DYNLL1: variants seen among roughly 807,000 people sequenced by gnomAD.
DYNLL1 encodes dynein light chain LC8-type 1, also known as dynein light chain 1, cytoplasmic.
In DYNLL1, 3 loss-of-function variants were observed where a neutral mutation model predicts 10.1. The ratio of observed to expected loss-of-function variants is 0.30; its 90% CI spans 0.14 to 0.77. The LOEUF is 0.77. Among genes scored for constraint, DYNLL1 ranks in the 30% least tolerant of loss-of-function variants. The probability of loss-of-function intolerance (pLI) is 0.66; values close to 1 mark genes in which losing one functional copy is unlikely to be tolerated. For synonymous variants in DYNLL1, 46 were observed against 41.2 expected, an observed-to-expected ratio of 1.12 and a Z score of -0.45; for missense variants, 47 against 111.7, an observed-to-expected ratio of 0.42 and a Z score of 2.61.
rs1309522112 is a variant in DYNLL1 at position 120,498,049 on chromosome 12, GTTCTT to G, written c.133-16_133-12del. On this transcript the variant is annotated intron_variant, in intron 2 of 2. Coordinates refer to ENST00000242577, the MANE Select transcript of DYNLL1 (RefSeq NM_003746.3). ...CTGACCTCTGGTAATTAAAATCCTA[GTTCTT>G]TTCTTTTGTCTTTTCCAGGAATTTG... 7 of 1,610,206 alleles carry G rather than the reference GTTCTT, an allele frequency of 4.3e-6. No individual in the cohort carries two copies. Among genetic ancestry groups the G allele is most frequent in the Admixed American group, 3.4e-5 (2 of 59,594 alleles).
intron 2 of DYNLL1, 136 bp from the exon 3 acceptor site, chr12:120,497,937 G>T: frequency 1.2e-6 from 1 of 855,862 alleles, no homozygotes; most frequent in East Asian, 2.7e-5. Context: ...TTGGAGCTGG[G>T]GAACATTCTT....
chr12:120,496,193 A>C lies in DYNLL1; in HGVS notation c.-30A>C. 1 of 637,194 alleles carries C rather than the reference A, an allele frequency of 1.6e-6. No homozygotes were observed. Among genetic ancestry groups the C allele is most frequent in the East Asian group, 2.8e-5 (1 of 36,048 alleles). The allele number at this position is 637,194 out of a possible 1,614,324, so 39.5% of individuals were successfully genotyped here. ...AGCACCTCCCCCAGGAGACCGTTGCAGTCGGCCAGCCCCCTTCTCCACGGT... is the reference window on the plus strand; with the variant it reads ...AGCACCTCCCCCAGGAGACCGTTGCCGTCGGCCAGCCCCCTTCTCCACGGT... On this transcript the variant is annotated 5_prime_UTR_variant, in exon 1 of 3. Coordinates refer to ENST00000242577, the MANE Select transcript of DYNLL1 (RefSeq NM_003746.3).
chr12:120,498,274 A>G lies in DYNLL1; in HGVS notation c.*64A>G. 3 of 1,551,972 alleles carry G rather than the reference A, an allele frequency of 1.9e-6. No homozygotes were observed. The highest frequency in any genetic ancestry group is 2.6e-6 in the Non-Finnish European group (3 of 1,157,370). On this transcript the variant is annotated 3_prime_UTR_variant, in exon 3 of 3. Transcript: ENST00000242577. ...AAACAAGGACTGCAGCCTAAATTCC[A>G]AATACCAGAGACTGAAATTTTCAGC...
intron 2 of DYNLL1, chr12:120,497,657 G>A (rs1868496489): frequency 6.3e-6 from 1 of 159,310 alleles, no homozygotes; most frequent in Non-Finnish European, 1.4e-5. Flanking sequence ...ATGAGGAATG[G>A]GATGGGCTAA....
rs1214824848 is a variant in DYNLL1 at position 120,486,244 on chromosome 12, A to G, written c.-6-10172A>G. On this transcript the variant is annotated intron_variant, in intron 1 of 2. Coordinates refer to the DYNLL1 transcript ENST00000392509. ...GAAAAGAGTTGCAGAGGCCCTGGCC[A>G]AAACCACCTGGCACCCTGCTAATGA... Among the ~76,000 whole-genome samples, 3 of 152,296 alleles carry G rather than the reference A, an allele frequency of 2.0e-5. No individual in the cohort carries two copies. The East Asian group carries it at 5.8e-4, about 29-fold the overall frequency.
chr12:120,472,238 G>A (rs1878667071), intron 1 of DYNLL1, among the ~76,000 whole-genome samples: 1 of 152,054 alleles, frequency 6.6e-6, no homozygotes, highest in Non-Finnish European at 1.5e-5. Context: ...CTTGATGGCA[G>A]TGATTTCTAT....
At chr12:120,471,080 C>T (rs547276565) in intron 1 of DYNLL1, among the ~76,000 whole-genome samples, 3 of 150,336 alleles carry the variant, frequency 2.0e-5, no homozygotes, top group Non-Finnish European at 4.4e-5. Flanking sequence ...AAAATGAAAC[C>T]TGGCTGGGCG....
upstream of DYNLL1, among the ~76,000 whole-genome samples, chr12:120,495,072 A>T (rs536394673): frequency 2.4e-4 from 37 of 152,320 alleles, no homozygotes; most frequent in Non-Finnish European, 4.7e-4. Flanking sequence ...CTTTACTTAA[A>T]GAAGACATTC....
intron 1 of DYNLL1, among the ~76,000 whole-genome samples, chr12:120,478,314 T>C (rs1283481890): frequency 3.4e-5 from 5 of 146,692 alleles, no homozygotes; most frequent in Non-Finnish European, 7.5e-5. Flanking sequence ...TCCATGTTGG[T>C]CAGGCTGGTC....
At chr12:120,487,070 G>GTTCACACCATTGTCCTGC (rs529210044) in intron 1 of DYNLL1, among the ~76,000 whole-genome samples, 1,690 of 150,840 alleles carry the variant, frequency 0.011, 15 homozygotes, top group Non-Finnish European at 0.016. Flanking sequence ...TGCCTCCCAG[G>GTTCACACCATTGTCCTGC]TTCACACCAT....
intron 1 of DYNLL1, among the ~76,000 whole-genome samples, chr12:120,478,606 C>T (rs959167700): frequency 6.7e-6 from 1 of 149,952 alleles, no homozygotes; most frequent in East Asian, 2.1e-4. Context: ...AATCCTAGCA[C>T]TTAGGGAGGC....
chr12:120,481,567 G>T (rs879608850), intron 1 of DYNLL1, among the ~76,000 whole-genome samples: 1 of 152,204 alleles, frequency 6.6e-6, no homozygotes, highest in Admixed American at 6.5e-5. Flanking sequence ...AAATGGAAGC[G>T]ATGCATAGGG....
At chr12:120,485,947 T>G (rs1400457822) in intron 1 of DYNLL1, among the ~76,000 whole-genome samples, 2 of 151,372 alleles carry the variant, frequency 1.3e-5, no homozygotes, top group East Asian at 3.9e-4. Flanking sequence ...ATATTGACAA[T>G]GGTTATCTCT....
Position 120,496,373 on chromosome 12 carries a change from G to A in DYNLL1, c.-6-43G>A. On this transcript the variant is annotated intron_variant, in intron 1 of 2. Coordinates refer to ENST00000242577, the MANE Select transcript of DYNLL1 (RefSeq NM_003746.3). ...GGTGGGGGCAGTTAGTGCCTGGGGGGCGCGGCCCAACTCAACCCCTTACCC... is the reference window on the plus strand; with the variant it reads ...GGTGGGGGCAGTTAGTGCCTGGGGGACGCGGCCCAACTCAACCCCTTACCC... 1.9e-6 allele frequency: 3 copies of A among 1,610,442 alleles called. No individual in the cohort carries two copies. The South Asian group carries it at 3.3e-5, about 18-fold the overall frequency.
At chr12:120,481,457 C>A (rs924397902) in intron 1 of DYNLL1, among the ~76,000 whole-genome samples, 14 of 152,128 alleles carry the variant, frequency 9.2e-5, no homozygotes, top group Non-Finnish European at 7.3e-5. Context: ...CCACTCACCC[C>A]CTTCAGGTTC....
intron 1 of DYNLL1, among the ~76,000 whole-genome samples, chr12:120,488,988 T>C (rs1189161804): frequency 1.3e-5 from 2 of 152,158 alleles, no homozygotes; most frequent in African/African-American, 4.8e-5. Context: ...ATCCTCTACA[T>C]GGCCAAAGCA....
chr12:120,492,020 AG>A (rs2137067596), upstream of DYNLL1: 1 of 152,336 alleles, frequency 6.6e-6, no homozygotes, highest in Admixed American at 6.5e-5. This position sits in a 1 kb window ranked among gnomAD's most constrained non-coding sequence, Gnocchi z 4.1. Context: ...GGGACTGTAG[AG>A]TCAGACCAGG....
upstream of DYNLL1, chr12:120,491,989 C>G (rs140015514): frequency 6.6e-6 from 1 of 152,170 alleles, no homozygotes; most frequent in Non-Finnish European, 1.5e-5. Context: ...AGGTGTTGCT[C>G]GGAGGTTCCA....
Position 120,487,355 on chromosome 12 carries a change from C to T in DYNLL1, c.-6-9061C>T, listed in dbSNP as rs545352017. The stretch of plus-strand genomic sequence containing the variant: ...TTGCCCAGGCTGGAGTGCAGTGGCG[C>T]GATCTCGGCTCATTACACATGTGCA... On this transcript the variant is annotated intron_variant, in intron 1 of 2. Transcript: ENST00000392509. Among the ~76,000 whole-genome samples, 482 of 124,398 alleles carry T rather than the reference C, an allele frequency of 3.9e-3. 7 individuals are homozygous for T. The highest frequency in any genetic ancestry group is 0.014 in the African/African-American group (448 of 31,594). 81.6% of individuals were successfully genotyped at this position (124,398 alleles called of 152,430 possible).
Sources: allele counts gnomAD v4.1 joint callset (sites outside exome capture counted in the v4.1 genomes callset), GRCh38; gene constraint gnomAD v4.1.1; non-coding constraint Gnocchi (gnomAD v3.1); transcripts MANE v1.5; gene names NCBI Gene and HGNC (gene_info 2026-07-23, HGNC 2026-07-21).